Variants in TXNRD2 observed in about 807,000 individuals in gnomAD.
TXNRD2 encodes the protein thioredoxin reductase 2, mitochondrial.
In TXNRD2, 67 loss-of-function variants were observed where a neutral mutation model predicts 70.8. The ratio of observed to expected loss-of-function variants is 0.95; its 90% confidence interval spans 0.78 to 1.16. TXNRD2 has a LOEUF of 1.16. Ranked by LOEUF, TXNRD2 falls within the 50% of genes most tolerant of loss-of-function variation. The pLI is 0.00. For synonymous variants in TXNRD2, 301 were observed against 295.8 expected, an observed-to-expected ratio of 1.02 and a Z score of -0.18; for missense variants, 644 against 719.9, an observed-to-expected ratio of 0.89 and a Z score of 1.21.
chr22:19,894,135 A>G (rs1463782897), intron 11 of TXNRD2: 1 of 152,250 alleles, frequency 6.6e-6, no homozygotes, highest in Admixed American at 6.5e-5. Context: ...GCACCCTGAA[A>G]ACATTGTGCT....
At position 19,920,840 on chromosome 22, in the gene TXNRD2, T is replaced by C. The variant is rs149066518; in HGVS notation, c.173-1241A>G. 7.1e-3 allele frequency among the ~76,000 whole-genome samples: 1,079 copies of C among 152,228 alleles called. 12 individuals are homozygous for C. The highest frequency in any genetic ancestry group is 0.041 in the East Asian group (212 of 5,160). On this transcript the variant is annotated intron_variant, in intron 2 of 17. Coordinates refer to ENST00000400521, the MANE Select transcript of TXNRD2 (RefSeq NM_006440.5). Reference sequence around the variant, plus strand: ...TTGCTTGGCTGGGTGCAGCGGCTCATGCCTGTAATCCCAGCACTTTGGGAG... The same window carrying C: ...TTGCTTGGCTGGGTGCAGCGGCTCACGCCTGTAATCCCAGCACTTTGGGAG...
At chr22:19,915,175 GC>G in intron 7 of TXNRD2, 38 bp downstream of exon 7, 1 of 1,604,404 alleles carries the variant, frequency 6.2e-7, no homozygotes, top group Non-Finnish European at 8.5e-7. Context: ...CCGGGAATGG[GC>G]CACGGCAGCA....
At chr22:19,919,122 C>G (rs1333899691) in intron 3 of TXNRD2, 118 bp from the exon 4 acceptor site, 2 of 956,660 alleles carry the variant, frequency 2.1e-6, no homozygotes, top group East Asian at 5.3e-5. Context: ...CACAGACCAG[C>G]TGACATGCCA....
intron 8 of TXNRD2, among the ~76,000 whole-genome samples, chr22:19,907,559 GGA>G (rs1940109231): frequency 2.2e-5 from 1 of 45,598 alleles, no homozygotes; most frequent in Non-Finnish European, 4.2e-5. Flanking sequence ...ACCGCTCTCA[GGA>G]GAGTGTGGGC....
chr22:19,880,697 G>T lies in TXNRD2; in HGVS notation c.1107C>A (p.Pro369=), dbSNP rs371533709. 17 of 1,612,948 alleles carry T rather than the reference G, an allele frequency of 1.1e-5. No homozygotes were observed. The Admixed American group carries it at 2.8e-4, about 27-fold the overall frequency. ...GGAGCCTCCCGGCCATGATCGCTAT[G>T]GGTGTCAGCTCAGGCCGCCCCTTGG... ...DVVEGRPELT[P]IAIMAGRLLV... is the part of the protein sequence containing the mutation. Residue 369 remains proline (P), a synonymous_variant, in exon 13 of 18, where the codon CCC becomes CCA. Coordinates refer to ENST00000400521, the MANE Select transcript of TXNRD2 (RefSeq NM_006440.5).
Position 19,890,571 on chromosome 22 carries a change from C to T in TXNRD2, c.949+4836G>A, listed in dbSNP as rs559354004. ...CAGTCCTGATGGGCCCACCGCAGCCCCCTCGCCCGGGCAGCATCCACACCC... is the reference window on the plus strand; with the variant it reads ...CAGTCCTGATGGGCCCACCGCAGCCTCCTCGCCCGGGCAGCATCCACACCC... On this transcript the variant is annotated intron_variant, in intron 11 of 17. Transcript: ENST00000400521. Among the ~76,000 whole-genome samples the T allele has an allele frequency of 3.3e-5, 5 of 152,252 alleles. No homozygotes were observed. The East Asian group carries it at 9.7e-4, about 29-fold the overall frequency.
At chr22:19,920,597 G>GAA (rs3081735) in intron 2 of TXNRD2, among the ~76,000 whole-genome samples, 6 of 134,838 alleles carry the variant, frequency 4.4e-5, no homozygotes, top group East Asian at 5.3e-4. Context: ...AAGAAAGAAA[G>GAA]AAAAAAAAAA....
At chr22:19,925,149 T>A (rs868605786) in intron 2 of TXNRD2, among the ~76,000 whole-genome samples, 1 of 151,728 alleles carries the variant, frequency 6.6e-6, no homozygotes, top group Non-Finnish European at 1.5e-5. Context: ...ACGGGCATGG[T>A]GGCATGCGCC....
intron 14 of TXNRD2, 115 bp from the exon 15 acceptor site, chr22:19,878,552 T>A: frequency 9.9e-7 from 1 of 1,007,318 alleles, no homozygotes; most frequent in South Asian, 1.3e-5. Context: ...GAACCATCCA[T>A]CTGGCCTGAA....
At chr22:19,910,948 G>A (rs974566540) in intron 8 of TXNRD2, 11 of 279,344 alleles carry the variant, frequency 3.9e-5, no homozygotes, top group Non-Finnish European at 6.3e-5. Context: ...GGTGGTGGGC[G>A]CCTGTAATTT....
intron 5 of TXNRD2, among the ~76,000 whole-genome samples, chr22:19,917,829 C>T (rs528924898): frequency 1.3e-5 from 2 of 152,326 alleles, no homozygotes; most frequent in East Asian, 1.9e-4. Flanking sequence ...GCTATGTCCA[C>T]GCTCTCTGGC....
At chr22:19,877,008 G>A (rs1938536427) in intron 17 of TXNRD2, 32 bp downstream of exon 17, 1 of 1,456,520 alleles carries the variant, frequency 6.9e-7, no homozygotes, top group Non-Finnish European at 9.2e-7. Flanking sequence ...CACATGCCCT[G>A]TCCTCAAACA....
intron 8 of TXNRD2, among the ~76,000 whole-genome samples, chr22:19,909,813 A>AC (rs1940287320): frequency 1.9e-5 from 2 of 107,818 alleles, no homozygotes; most frequent in African/African-American, 3.9e-5. Context: ...CACACCACTC[A>AC]CACACACACC....
At chr22:19,903,032 C>T (rs1167986215) in intron 8 of TXNRD2, 1 of 518,606 alleles carries the variant, frequency 1.9e-6, no homozygotes, top group Non-Finnish European at 3.8e-6. Flanking sequence ...AACACTCTGC[C>T]TCTTGGAGCC....
intron 17 of TXNRD2, 49 bp downstream of exon 17, chr22:19,876,991 C>A (rs1448221628): frequency 1.5e-6 from 2 of 1,357,350 alleles, no homozygotes; most frequent in South Asian, 3.1e-5. Flanking sequence ...GGCTCCTGCA[C>A]CCCTGCCACA....
At chr22:19,889,384 G>A (rs964405673) in intron 11 of TXNRD2, among the ~76,000 whole-genome samples, 1 of 152,094 alleles carries the variant, frequency 6.6e-6, no homozygotes, top group African/African-American at 2.4e-5. Context: ...AGGCTGAGGC[G>A]GGCGGATCAT....
intron 2 of TXNRD2, among the ~76,000 whole-genome samples, chr22:19,925,268 A>C (rs1941094173): frequency 6.6e-6 from 1 of 152,032 alleles, no homozygotes; most frequent in South Asian, 2.1e-4. Context: ...TGGGCGACAG[A>C]GCAAGACTCC....
At position 19,941,631 on chromosome 22, in the gene TXNRD2, G is replaced by A. The variant is rs1941719321; in HGVS notation, c.103+70C>T. On this transcript the variant is annotated intron_variant, in intron 1 of 17. Coordinates refer to ENST00000400521, the MANE Select transcript of TXNRD2 (RefSeq NM_006440.5). ...ACGGGGACACCCTGGCCACCGCCGCGCGGACACCCTCACGAGGACACCCCG... is the reference window on the plus strand; with the variant it reads ...ACGGGGACACCCTGGCCACCGCCGCACGGACACCCTCACGAGGACACCCCG... The A allele has an allele frequency of 1.2e-5, 17 of 1,370,996 alleles. No homozygotes were observed. In the South Asian group the frequency reaches 2.8e-4, roughly 22 times the overall value. 84.9% of individuals were successfully genotyped at this position (1,370,996 alleles called of 1,614,324 possible).
intron 8 of TXNRD2, among the ~76,000 whole-genome samples, chr22:19,906,899 G>A (rs953416076): frequency 7.4e-6 from 1 of 135,154 alleles, no homozygotes; most frequent in African/African-American, 2.8e-5. Flanking sequence ...GAGGGTGTGG[G>A]CGCCGTGGAT....
Sources: allele counts gnomAD v4.1 joint callset (sites outside exome capture counted in the v4.1 genomes callset), GRCh38; gene constraint gnomAD v4.1.1; transcripts MANE v1.5; gene names NCBI Gene and HGNC (gene_info 2026-07-23, HGNC 2026-07-21).